Variants in GRID2 observed in about 807,000 individuals in gnomAD.
GRID2 encodes glutamate ionotropic receptor delta type subunit 2.
GRID2 carries 33 observed loss-of-function variants against 114.8 expected under a neutral mutation model. That is an observed-to-expected ratio of 0.29 (90% CI 0.22 to 0.38). The LOEUF (loss-of-function observed/expected upper bound fraction) is 0.38, where lower values mean the gene tolerates loss of function less well. Ranked by LOEUF, GRID2 falls within the 10% of genes least tolerant of loss-of-function variation. The pLI, the probability that GRID2 is intolerant of heterozygous loss-of-function variation, is 1.00. For synonymous variants in GRID2, 505 were observed against 449.9 expected, an observed-to-expected ratio of 1.12 and a Z score of -1.55; for missense variants, 1,184 against 1,257.7, an observed-to-expected ratio of 0.94 and a Z score of 0.89.
intron 13 of GRID2, among the ~76,000 whole-genome samples, chr4:93,618,313 C>G (rs1449316324): frequency 6.6e-6 from 1 of 152,132 alleles, no homozygotes; most frequent in South Asian, 2.1e-4. Flanking sequence ...TCTACTTGTT[C>G]TAATTTATTT....
chr4:93,325,522 TA>T (rs1317219145), intron 8 of GRID2, among the ~76,000 whole-genome samples: 2 of 151,944 alleles, frequency 1.3e-5, no homozygotes, highest in East Asian at 3.8e-4. Context: ...GGTAATTTCT[TA>T]AATTTTACAA....
intron 6 of GRID2, among the ~76,000 whole-genome samples, chr4:93,222,163 G>A (rs2149489552): frequency 6.6e-6 from 1 of 152,226 alleles, no homozygotes; most frequent in South Asian, 2.1e-4. Flanking sequence ...AAAAATGGAA[G>A]AGAAAAGATG....
At chr4:92,810,089 A>G (rs190143044) in intron 2 of GRID2, among the ~76,000 whole-genome samples, 1 of 152,146 alleles carries the variant, frequency 6.6e-6, no homozygotes, top group Non-Finnish European at 1.5e-5. Context: ...TATGACTTCA[A>G]TGTTGTGACT....
At chr4:93,190,066 A>G (rs1343712698) in intron 4 of GRID2, among the ~76,000 whole-genome samples, 1 of 152,044 alleles carries the variant, frequency 6.6e-6, no homozygotes, top group Non-Finnish European at 1.5e-5. Context: ...TTTTTATATT[A>G]TCTTTTAAAT....
chr4:92,900,724 C>T (rs373268812), intron 2 of GRID2, among the ~76,000 whole-genome samples: 3 of 151,032 alleles, frequency 2.0e-5, no homozygotes, highest in African/African-American at 2.4e-5. Flanking sequence ...GTCCCAGCTA[C>T]GCCGGAGGCT....
chr4:92,821,080 A>T (rs1345499805), intron 2 of GRID2, among the ~76,000 whole-genome samples: 1 of 152,126 alleles, frequency 6.6e-6, no homozygotes, highest in Admixed American at 6.6e-5. Context: ...TTAAATAACC[A>T]TATATATAGC....
intron 13 of GRID2, among the ~76,000 whole-genome samples, chr4:93,620,986 G>A (rs1742170521): frequency 1.3e-5 from 2 of 151,850 alleles, no homozygotes; most frequent in African/African-American, 2.4e-5. Context: ...AATGTGATTC[G>A]TGTTACAACA....
At chr4:92,561,508 G>A (rs533597378) in intron 1 of GRID2, among the ~76,000 whole-genome samples, 3 of 152,250 alleles carry the variant, frequency 2.0e-5, no homozygotes, top group African/African-American at 7.2e-5. Context: ...CACAGGCCCT[G>A]AAATTCAATT....
intron 13 of GRID2, among the ~76,000 whole-genome samples, chr4:93,553,814 CT>C (rs1299129118): frequency 6.6e-6 from 1 of 152,114 alleles, no homozygotes; most frequent in Non-Finnish European, 1.5e-5. Context: ...AGGAAGACTA[CT>C]AATTTTTACT....
At chr4:93,179,584 T>A (rs917689475) in intron 4 of GRID2, among the ~76,000 whole-genome samples, 16 of 152,086 alleles carry the variant, frequency 1.1e-4, no homozygotes, top group African/African-American at 3.4e-4. Context: ...AATAACTAAG[T>A]TCCATTAAGT....
At chr4:93,146,395 T>G (rs1055343054) in intron 4 of GRID2, among the ~76,000 whole-genome samples, 1 of 152,322 alleles carries the variant, frequency 6.6e-6, no homozygotes, top group African/African-American at 2.4e-5. Context: ...AAGCGCATCC[T>G]GTAAGCTCTA....
chr4:93,430,421 TCTGCCCG>T (rs2149379135), intron 10 of GRID2, among the ~76,000 whole-genome samples: 1 of 152,330 alleles, frequency 6.6e-6, no homozygotes, highest in East Asian at 1.9e-4. Context: ...CCTCAGGTGA[TCTGCCCG>T]CCTCAGCATC....
chr4:93,170,827 C>T (rs1055482882), intron 4 of GRID2, among the ~76,000 whole-genome samples: 1 of 151,348 alleles, frequency 6.6e-6, no homozygotes, highest in Non-Finnish European at 1.5e-5. Context: ...ATTTCAATGA[C>T]GATTTTCCTT....
intron 2 of GRID2, among the ~76,000 whole-genome samples, chr4:92,633,272 C>T (rs1288737032): frequency 6.6e-6 from 1 of 152,016 alleles, no homozygotes; most frequent in Non-Finnish European, 1.5e-5. Flanking sequence ...TAAGTATTTC[C>T]CCTATAATGT....
intron 1 of GRID2, among the ~76,000 whole-genome samples, chr4:92,398,486 A>G (rs1348095411): frequency 6.6e-6 from 1 of 151,662 alleles, no homozygotes; most frequent in South Asian, 2.1e-4. Context: ...TTTTTGGTAG[A>G]CAAGTTTTTG....
At chr4:93,217,039 C>A in intron 6 of GRID2, 128 bp downstream of exon 6, 2 of 628,780 alleles carry the variant, frequency 3.2e-6, no homozygotes, top group East Asian at 2.7e-5. Context: ...CCAGCAATTT[C>A]ATAAGTCTAA....
At chr4:93,352,627 T>C (rs114204960) in intron 8 of GRID2, among the ~76,000 whole-genome samples, 38 of 152,162 alleles carry the variant, frequency 2.5e-4, no homozygotes, top group Middle Eastern at 6.8e-3. Context: ...CTACACTCTA[T>C]TGAATGATCT....
chr4:93,216,649 C>A, intron 5 of GRID2, 89 bp from the exon 6 acceptor site: 3 of 807,882 alleles, frequency 3.7e-6, no homozygotes, highest in South Asian at 1.8e-5. Flanking sequence ...TAACAGAATC[C>A]CTAACATTTA....
At chr4:93,404,919 A>C (rs2149343486) in intron 9 of GRID2, among the ~76,000 whole-genome samples, 1 of 152,256 alleles carries the variant, frequency 6.6e-6, no homozygotes, top group East Asian at 1.9e-4. Context: ...AAATACAGAA[A>C]ATTCCAGCAA....
Sources: gnomAD v4.1 joint callset for allele counts (sites outside exome capture counted in the v4.1 genomes callset) on GRCh38, gnomAD v4.1.1 for gene constraint, MANE v1.5 for transcripts, NCBI Gene and HGNC (gene_info 2026-07-23, HGNC 2026-07-21) for gene names.